The following FHIT variants were observed in gnomAD, a reference collection of about 807,000 sequenced individuals.
FHIT encodes the protein bis(5'-adenosyl)-triphosphatase.
In FHIT, 19 loss-of-function variants were observed where a neutral mutation model predicts 17.9. The ratio of observed to expected loss-of-function variants is 1.06; its 90% CI spans 0.74 to 1.56. The LOEUF (loss-of-function observed/expected upper bound fraction) is 1.56, where lower values mean the gene tolerates loss of function less well. FHIT is among the 40% of genes most tolerant of loss of function. The pLI, the probability that FHIT is intolerant of heterozygous loss-of-function variation, is 0.00. For missense variants in FHIT, 248 were observed against 189.2 expected (o/e 1.31, Z -1.82); for synonymous variants, 81 against 69.7 (o/e 1.16, Z -0.81).
intron 5 of FHIT, among the ~76,000 whole-genome samples, chr3:60,506,858 T>C (rs1327940162): frequency 1.3e-5 from 2 of 152,198 alleles, no homozygotes; most frequent in Non-Finnish European, 2.9e-5. Context: ...AATGATGTTG[T>C]TGTAAACTAC....
chr3:59,771,724 G>C (rs1031337200), intron 8 of FHIT, among the ~76,000 whole-genome samples: 2 of 152,136 alleles, frequency 1.3e-5, no homozygotes, highest in Non-Finnish European at 1.5e-5. Flanking sequence ...TGTGGGGAAC[G>C]TGCACAAGCT....
At chr3:61,080,895 A>C in intron 2 of FHIT, among the ~76,000 whole-genome samples, 1 of 152,092 alleles carries the variant, frequency 6.6e-6, no homozygotes, top group East Asian at 1.9e-4. Flanking sequence ...TGAAATCTGC[A>C]GAGAACTCAG....
At chr3:60,903,395 T>G (rs2107233173) in intron 3 of FHIT, among the ~76,000 whole-genome samples, 1 of 152,364 alleles carries the variant, frequency 6.6e-6, no homozygotes, top group South Asian at 2.1e-4. Flanking sequence ...CATTTTTGAT[T>G]AGGCTTAGAG....
chr3:60,135,168 A>C (rs1699763534), intron 5 of FHIT, among the ~76,000 whole-genome samples: 1 of 152,178 alleles, frequency 6.6e-6, no homozygotes, highest in Non-Finnish European at 1.5e-5. Flanking sequence ...AAAGATAGAT[A>C]GATTCCAAAG....
chr3:60,552,574 G>C (rs1361113843), intron 4 of FHIT, among the ~76,000 whole-genome samples: 2 of 152,068 alleles, frequency 1.3e-5, no homozygotes, highest in African/African-American at 2.4e-5. Flanking sequence ...AGTTCCTATG[G>C]TGATTCTATT....
intron 4 of FHIT, among the ~76,000 whole-genome samples, chr3:60,597,940 G>C (rs534883323): frequency 1.2e-4 from 19 of 152,116 alleles, no homozygotes; most frequent in Non-Finnish European, 2.8e-4. Flanking sequence ...AGCAACATCA[G>C]AGAGATACCA....
At chr3:60,269,913 G>C (rs1002623625) in intron 5 of FHIT, among the ~76,000 whole-genome samples, 1 of 152,158 alleles carries the variant, frequency 6.6e-6, no homozygotes, top group Admixed American at 6.5e-5. Flanking sequence ...TGCTGACCTT[G>C]TAATTAGTTA....
At chr3:60,551,309 A>T (rs1355555233) in intron 4 of FHIT, among the ~76,000 whole-genome samples, 1 of 150,078 alleles carries the variant, frequency 6.7e-6, no homozygotes, top group Non-Finnish European at 1.5e-5. Flanking sequence ...GACTTTCAAA[A>T]AAAGATTTTA....
chr3:61,116,219 G>A (rs902009764), intron 2 of FHIT, among the ~76,000 whole-genome samples: 7 of 152,026 alleles, frequency 4.6e-5, no homozygotes, highest in Non-Finnish European at 4.4e-5. Flanking sequence ...AAATGTAAAT[G>A]ATTTTTAAAG....
intron 5 of FHIT, among the ~76,000 whole-genome samples, chr3:60,398,234 G>T (rs1701528420): frequency 6.6e-6 from 1 of 152,136 alleles, no homozygotes; most frequent in South Asian, 2.1e-4. Flanking sequence ...TGAGGAATGG[G>T]AAGCTGTGGT....
intron 3 of FHIT, among the ~76,000 whole-genome samples, chr3:60,979,369 A>G (rs983358419): frequency 7.2e-5 from 11 of 152,372 alleles, no homozygotes; most frequent in African/African-American, 2.4e-4. Flanking sequence ...AGTTAATGCC[A>G]GCCTTCTCCA....
intron 5 of FHIT, among the ~76,000 whole-genome samples, chr3:60,037,718 T>A (rs1424011361): frequency 1.1e-5 from 1 of 93,570 alleles, no homozygotes; most frequent in South Asian, 3.0e-4. Context: ...TACTCAGAAC[T>A]ACTTTTTTTT....
chr3:60,660,553 G>T (rs2040216225), intron 4 of FHIT, among the ~76,000 whole-genome samples: 1 of 151,932 alleles, frequency 6.6e-6, no homozygotes, highest in South Asian at 2.1e-4. Context: ...CCATGCAGTT[G>T]TTCTCTAGGT....
chr3:59,766,754 A>ATCAT (rs1405723174), intron 8 of FHIT, among the ~76,000 whole-genome samples: 1 of 152,204 alleles, frequency 6.6e-6, no homozygotes, highest in Non-Finnish European at 1.5e-5. Context: ...TCTTCTGCCT[A>ATCAT]TCATTGGGGA....
intron 5 of FHIT, among the ~76,000 whole-genome samples, chr3:60,167,883 T>G (rs1214670956): frequency 1.3e-5 from 2 of 151,826 alleles, no homozygotes; most frequent in African/African-American, 4.8e-5. Context: ...AAAAGCAAAA[T>G]TAGCCAGGTG....
At chr3:60,835,419 T>G (rs1431909887) in intron 3 of FHIT, among the ~76,000 whole-genome samples, 1 of 152,218 alleles carries the variant, frequency 6.6e-6, no homozygotes, top group Non-Finnish European at 1.5e-5. Flanking sequence ...TATATAGTTT[T>G]CAACAAACAA....
intron 7 of FHIT, among the ~76,000 whole-genome samples, chr3:59,932,659 G>T (rs958545193): frequency 1.3e-5 from 2 of 151,816 alleles, no homozygotes; most frequent in Admixed American, 1.3e-4. Context: ...GGTGTTGAGA[G>T]AACTCCTCCC....
intron 5 of FHIT, among the ~76,000 whole-genome samples, chr3:60,118,331 C>G (rs935912755): frequency 6.7e-5 from 10 of 149,870 alleles, no homozygotes; most frequent in South Asian, 2.1e-4. Context: ...TGGTCTTGAA[C>G]TCCTGGCCTC....
Position 61,234,027 on chromosome 3 carries a change from C to T in FHIT, c.-213+17274G>A, listed in dbSNP as rs78607734. Among the ~76,000 whole-genome samples the T allele has an allele frequency of 1.1e-3, 160 of 152,322 alleles. No individual in the cohort carries two copies. In the East Asian group the frequency reaches 0.019, roughly 18 times the overall value. On this transcript the variant is annotated intron_variant, in intron 1 of 9. Coordinates refer to ENST00000492590, the MANE Select transcript of FHIT (RefSeq NM_002012.4). ...TGACATAGTAACCTATTAAATAATA[C>T]ATGACACATTAAGGCCAGTACAGGC...
Sources: allele counts gnomAD v4.1 joint callset (sites outside exome capture counted in the v4.1 genomes callset), GRCh38; gene constraint gnomAD v4.1.1; transcripts MANE v1.5; gene names NCBI Gene and HGNC (gene_info 2026-07-23, HGNC 2026-07-21).